DNM3: variants seen among roughly 807,000 people sequenced by gnomAD.
DNM3 encodes dynamin-3.
DNM3 carries 47 observed loss-of-function variants against 101.6 expected under a neutral mutation model. The observed-to-expected ratio is 0.46, with a 90% confidence interval of 0.37 to 0.59. The LOEUF (loss-of-function observed/expected upper bound fraction) is 0.59, where lower values mean the gene tolerates loss of function less well. Among genes scored for constraint, DNM3 ranks in the 20% least tolerant of loss-of-function variants. The pLI is 0.00. For synonymous variants in DNM3, 385 were observed against 387.9 expected, an observed-to-expected ratio of 0.99 and a Z score of 0.09; for missense variants, 849 against 1,085.7, an observed-to-expected ratio of 0.78 and a Z score of 3.06.
intron 14 of DNM3, among the ~76,000 whole-genome samples, chr1:172,211,453 C>T (rs2060511023): frequency 6.6e-6 from 1 of 152,082 alleles, no homozygotes; most frequent in South Asian, 2.1e-4. Flanking sequence ...GTGCAGTGAC[C>T]ATTGCCACAG....
At chr1:172,365,857 A>G (rs1446470180) in intron 17 of DNM3, among the ~76,000 whole-genome samples, 2 of 151,978 alleles carry the variant, frequency 1.3e-5, no homozygotes, top group African/African-American at 2.4e-5. Context: ...CTTTAAAGAT[A>G]CAGGATTTGT....
In DNM3 at chr1:172,410,491, A is replaced by G. The variant is rs1355271753; in HGVS notation, c.*2650A>G. The G allele has an allele frequency of 1.0e-6, 1 of 983,242 alleles. No individual in the cohort carries two copies. Among genetic ancestry groups the G allele is most frequent in the Non-Finnish European group, 1.2e-6 (1 of 828,102 alleles). 60.9% of individuals were successfully genotyped at this position (983,242 alleles called of 1,614,324 possible). A position where few individuals can be genotyped will look rare whatever the true frequency, so the allele number is the denominator to read the frequency against. Reference sequence around the variant, plus strand: ...AATAAACTGTAAATGTTTATTTGATAGGTAAATATAGTTTTATTGTCACAT... The same window carrying G: ...AATAAACTGTAAATGTTTATTTGATGGGTAAATATAGTTTTATTGTCACAT... On this transcript the variant is annotated 3_prime_UTR_variant, in exon 21 of 21. Transcript: ENST00000627582.
At chr1:172,073,241 A>G (rs1238695232) in intron 11 of DNM3, among the ~76,000 whole-genome samples, 1 of 151,442 alleles carries the variant, frequency 6.6e-6, no homozygotes, top group Non-Finnish European at 1.5e-5. Flanking sequence ...GTGTATTTAC[A>G]TGTACATATA....
chr1:172,116,211 T>C (rs1395320165), intron 13 of DNM3, among the ~76,000 whole-genome samples: 10 of 152,216 alleles, frequency 6.6e-5, no homozygotes, highest in Admixed American at 6.5e-4. Context: ...TTCCCCTTTT[T>C]CAATTTGTGT....
intron 14 of DNM3, among the ~76,000 whole-genome samples, chr1:172,205,361 A>G (rs1348612798): frequency 6.6e-6 from 1 of 152,112 alleles, no homozygotes; most frequent in Non-Finnish European, 1.5e-5. Flanking sequence ...CAGTTCTTAC[A>G]CTTTTTAGTC....
At chr1:172,198,152 C>T (rs1392515154) in intron 14 of DNM3, among the ~76,000 whole-genome samples, 1 of 152,100 alleles carries the variant, frequency 6.6e-6, no homozygotes, top group African/African-American at 2.4e-5. Context: ...CTTTCTTCAT[C>T]TGTTGAGGTA....
chr1:172,338,106 G>A (rs192806038), intron 17 of DNM3, among the ~76,000 whole-genome samples: 3 of 151,446 alleles, frequency 2.0e-5, no homozygotes, highest in Non-Finnish European at 1.5e-5. Context: ...TAGTAGAGAC[G>A]GGGTTTCATC....
At chr1:172,232,490 G>T (rs10911341) in intron 14 of DNM3, among the ~76,000 whole-genome samples, 25,236 of 152,004 alleles carry the variant, frequency 0.17, 2,470 homozygotes, top group East Asian at 0.28. Context: ...GAGACAGAAA[G>T]TTAACAAGGA....
intron 17 of DNM3, among the ~76,000 whole-genome samples, chr1:172,330,750 T>C (rs1373337224): frequency 6.6e-6 from 1 of 152,056 alleles, no homozygotes; most frequent in Admixed American, 6.5e-5. Flanking sequence ...AAGAAAAGTA[T>C]AAAATGGTGA....
chr1:171,961,665 G>A (rs1253644482), intron 2 of DNM3, among the ~76,000 whole-genome samples: 1 of 152,150 alleles, frequency 6.6e-6, no homozygotes, highest in Admixed American at 6.6e-5. Context: ...GTTCACAGCA[G>A]CATTTTTTAC....
chr1:171,932,665 G>A (rs6673009), intron 2 of DNM3, among the ~76,000 whole-genome samples: 23,831 of 152,072 alleles, frequency 0.16, 2,437 homozygotes, highest in South Asian at 0.26. Flanking sequence ...CTTAAAAGCC[G>A]TTGCATTTTA....
intron 12 of DNM3, among the ~76,000 whole-genome samples, chr1:172,092,252 A>C (rs757896690): frequency 2.6e-5 from 4 of 152,180 alleles, no homozygotes; most frequent in Non-Finnish European, 4.4e-5. Flanking sequence ...AGATGCATTA[A>C]AGGAGTTGTC....
intron 1 of DNM3, among the ~76,000 whole-genome samples, chr1:171,874,380 T>C (rs1330814017): frequency 6.6e-6 from 1 of 152,212 alleles, no homozygotes; most frequent in Non-Finnish European, 1.5e-5. Context: ...AAATATTCCT[T>C]GAAATGAAAT....
intron 15 of DNM3, 38 bp downstream of exon 15, chr1:172,253,720 T>C: frequency 7.2e-7 from 1 of 1,396,878 alleles, no homozygotes; most frequent in South Asian, 1.4e-5. Flanking sequence ...CAGATTTTTT[T>C]CCTTGAAGTT....
intron 2 of DNM3, among the ~76,000 whole-genome samples, chr1:171,937,601 A>C (rs1351158249): frequency 6.6e-6 from 1 of 152,062 alleles, no homozygotes; most frequent in East Asian, 1.9e-4. Context: ...ACACGGTCTC[A>C]CTCTGTCACT....
chr1:172,048,478 C>A, intron 9 of DNM3, 134 bp from the exon 10 acceptor site: 1 of 941,892 alleles, frequency 1.1e-6, no homozygotes, highest in Non-Finnish European at 1.5e-6. Context: ...ACATTTTGGG[C>A]ACTATGTAAC....
intron 2 of DNM3, among the ~76,000 whole-genome samples, chr1:171,970,673 T>A (rs2043926787): frequency 1.3e-5 from 2 of 152,112 alleles, no homozygotes; most frequent in South Asian, 2.1e-4. Context: ...AGCTTTTAAA[T>A]CAAATATAGG....
chr1:172,036,486 C>T (rs922724480), intron 6 of DNM3, among the ~76,000 whole-genome samples: 1,655 of 151,896 alleles, frequency 0.011, 34 homozygotes, highest in African/African-American at 0.037. Context: ...TCAGAAATAA[C>T]GCCGCATATC....
chr1:172,191,525 G>T (rs566468589), intron 14 of DNM3, among the ~76,000 whole-genome samples: 5 of 151,932 alleles, frequency 3.3e-5, no homozygotes, highest in African/African-American at 7.2e-5. Context: ...ATATGAACTT[G>T]AAAGTAGTTT....
Sources: gnomAD v4.1 joint callset for allele counts (sites outside exome capture counted in the v4.1 genomes callset) on GRCh38, gnomAD v4.1.1 for gene constraint, MANE v1.5 for transcripts, NCBI Gene and HGNC (gene_info 2026-07-23, HGNC 2026-07-21) for gene names.